The following CAST variants were observed in gnomAD, a reference collection of about 807,000 sequenced individuals.
The protein encoded by CAST is MIR583 host.
A neutral mutation model predicts 119.6 loss-of-function variants in CAST; 76 were observed. That is an observed-to-expected ratio of 0.64 (90% CI 0.53 to 0.77). CAST has a LOEUF of 0.77. Ranked by LOEUF, CAST falls within the 30% of genes least tolerant of loss-of-function variation. The pLI is 0.00. For synonymous variants in CAST, 319 were observed against 331.6 expected, an observed-to-expected ratio of 0.96 and a Z score of 0.41; for missense variants, 953 against 946.5, an observed-to-expected ratio of 1.01 and a Z score of -0.09.
chr5:96,556,806 C>T (rs1746250279), intron 1 of CAST, among the ~76,000 whole-genome samples: 1 of 152,186 alleles, frequency 6.6e-6, no homozygotes. Flanking sequence ...TCCAGGAAAA[C>T]TTCCCCAATC....
At chr5:96,721,642 G>A (rs1175247440) in intron 3 of CAST, among the ~76,000 whole-genome samples, 2 of 152,170 alleles carry the variant, frequency 1.3e-5, no homozygotes, top group African/African-American at 4.8e-5. Context: ...CATGCCAGAT[G>A]GAATCCCTGG....
chr5:96,658,758 A>G (rs1442184800), upstream of CAST, among the ~76,000 whole-genome samples: 1 of 152,240 alleles, frequency 6.6e-6, no homozygotes, highest in Non-Finnish European at 1.5e-5. Context: ...GTAGGTACTC[A>G]GCTTTATCAT....
intron 1 of CAST, among the ~76,000 whole-genome samples, chr5:96,573,589 A>G (rs1746610511): frequency 6.6e-6 from 1 of 152,086 alleles, no homozygotes. Context: ...GCAGTGAGCT[A>G]TGATCATGCC....
At chr5:96,666,832 G>T (rs201615872) in intron 1 of CAST, among the ~76,000 whole-genome samples, 1 of 152,170 alleles carries the variant, frequency 6.6e-6, no homozygotes, top group Admixed American at 6.5e-5. Context: ...TGGGAACAGT[G>T]GGGGGTCATG....
At chr5:96,528,471 G>A (rs1486547282), upstream of CAST, among the ~76,000 whole-genome samples, 1 of 152,092 alleles carries the variant, frequency 6.6e-6, no homozygotes, top group Admixed American at 6.6e-5. Context: ...GCCTTACAAG[G>A]TAAGTATTTC....
At chr5:96,232,643 A>C in the CAST span, among the ~76,000 whole-genome samples, 1 of 152,248 alleles carries the variant, frequency 6.6e-6, no homozygotes, top group African/African-American at 2.4e-5. Context: ...AATTTTAAAA[A>C]GAACAAAAAA....
chr5:96,400,606 C>A, the CAST span, among the ~76,000 whole-genome samples: 2 of 152,188 alleles, frequency 1.3e-5, no homozygotes, highest in Admixed American at 6.5e-5. Flanking sequence ...ACAGACGAGG[C>A]CTTGACTTCC....
At chr5:96,514,554 C>G in the CAST span, among the ~76,000 whole-genome samples, 3 of 152,116 alleles carry the variant, frequency 2.0e-5, no homozygotes, top group Non-Finnish European at 1.5e-5. Context: ...CAAAACTATA[C>G]TCAAATTTAA....
chr5:96,277,004 A>C, the CAST span, among the ~76,000 whole-genome samples: 216 of 152,380 alleles, frequency 1.4e-3, no homozygotes, highest in African/African-American at 4.9e-3. Context: ...AGATTTATCC[A>C]TGAAGATCTA....
chr5:95,965,698 C>A, the CAST span, among the ~76,000 whole-genome samples: 2 of 152,198 alleles, frequency 1.3e-5, no homozygotes, highest in South Asian at 4.1e-4. Context: ...CAAGACTTTG[C>A]CCAGCCATGT....
chr5:96,706,067 T>C (rs73774399), intron 3 of CAST, among the ~76,000 whole-genome samples: 2,962 of 152,338 alleles, frequency 0.019, 93 homozygotes, highest in African/African-American at 0.067. Context: ...TTCCACATAG[T>C]AATTGCTCAA....
intron 1 of CAST, among the ~76,000 whole-genome samples, chr5:96,641,078 T>TA (rs1297987444): frequency 2.0e-5 from 3 of 152,220 alleles, no homozygotes; most frequent in Non-Finnish European, 4.4e-5. Flanking sequence ...ACCCATTAGT[T>TA]AAATTTCTCC....
chr5:96,424,678 A>G, the CAST span, among the ~76,000 whole-genome samples: 5 of 152,206 alleles, frequency 3.3e-5, no homozygotes, highest in Admixed American at 6.5e-5. Flanking sequence ...GATAGTGGCA[A>G]GAGGCCCGGT....
chr5:96,394,740 T>A, the CAST span: 6 of 833,218 alleles, frequency 7.2e-6, no homozygotes, highest in Admixed American at 3.5e-5. Flanking sequence ...TTTACCACTA[T>A]CACTTCTTAT....
At chr5:96,616,249 G>A (rs564785321) in intron 1 of CAST, among the ~76,000 whole-genome samples, 2 of 152,244 alleles carry the variant, frequency 1.3e-5, no homozygotes, top group South Asian at 2.1e-4. Context: ...TTACATCTCA[G>A]GCTCCAAGTG....
chr5:96,176,736 A>G, the CAST span, among the ~76,000 whole-genome samples: 1 of 152,172 alleles, frequency 6.6e-6, no homozygotes, highest in Non-Finnish European at 1.5e-5. Flanking sequence ...CCCTTCTGAT[A>G]AGGACCTTTT....
upstream of CAST, among the ~76,000 whole-genome samples, chr5:96,660,569 GA>G (rs1748291034): frequency 6.6e-6 from 1 of 152,150 alleles, no homozygotes; most frequent in Non-Finnish European, 1.5e-5. Context: ...CAAGTCACTG[GA>G]AACCATTCCA....
At chr5:96,620,933 C>G (rs1022720115) in intron 1 of CAST, among the ~76,000 whole-genome samples, 2 of 152,176 alleles carry the variant, frequency 1.3e-5, no homozygotes, top group African/African-American at 2.4e-5. Flanking sequence ...TGGTTTGAGT[C>G]CATCTAAGTA....
chr5:96,296,922 C>A, the CAST span, among the ~76,000 whole-genome samples: 1 of 152,182 alleles, frequency 6.6e-6, no homozygotes, highest in East Asian at 1.9e-4. Flanking sequence ...TGGGCCCTAA[C>A]TGATGCTTTT....
Sources: allele counts gnomAD v4.1 joint callset (sites outside exome capture counted in the v4.1 genomes callset), GRCh38; gene constraint gnomAD v4.1.1; transcripts MANE v1.5; gene names NCBI Gene and HGNC (gene_info 2026-07-23, HGNC 2026-07-21).